Variants in DNAH14 observed in about 807,000 individuals in gnomAD.
The protein encoded by DNAH14 is axonemal beta dynein heavy chain 14.
A neutral mutation model predicts 520.9 loss-of-function variants in DNAH14; 478 were observed. The observed-to-expected ratio is 0.92, with a 90% CI of 0.85 to 0.99. The LOEUF is 0.99. DNAH14 is among the 50% of genes least tolerant of loss of function. The probability of loss-of-function intolerance (pLI) is 0.00; values close to 1 mark genes in which losing one functional copy is unlikely to be tolerated. For missense variants in DNAH14, 4,831 were observed against 5,234.5 expected, an observed-to-expected ratio of 0.92 and a Z score of 2.38; for synonymous variants, 1,581 against 1,757.2, an observed-to-expected ratio of 0.90 and a Z score of 2.51.
intron 41 of DNAH14, among the ~76,000 whole-genome samples, chr1:225,210,254 C>T (rs1026426388): frequency 6.6e-6 from 1 of 152,108 alleles, no homozygotes; most frequent in Non-Finnish European, 1.5e-5. Flanking sequence ...AAGCTAAGAT[C>T]CAATGGCTTG....
chr1:225,379,254 T>G (rs2095748714), intron 79 of DNAH14, among the ~76,000 whole-genome samples: 1 of 152,234 alleles, frequency 6.6e-6, no homozygotes, highest in South Asian at 2.1e-4. Flanking sequence ...GTCTTGCAGA[T>G]GCATGCAGAT....
At chr1:225,214,567 T>G (rs1574042695) in intron 41 of DNAH14, among the ~76,000 whole-genome samples, 1 of 152,326 alleles carries the variant, frequency 6.6e-6, no homozygotes, top group East Asian at 1.9e-4. Context: ...GGCTATTAAC[T>G]ATTGCCTCAA....
chr1:225,196,638 G>C (rs751373899), intron 38 of DNAH14, among the ~76,000 whole-genome samples: 1 of 152,134 alleles, frequency 6.6e-6, no homozygotes, highest in Admixed American at 6.6e-5. Context: ...CACCAGCAGT[G>C]TAGAAGTGTT....
intron 59 of DNAH14, among the ~76,000 whole-genome samples, chr1:225,308,027 G>A (rs944413393): frequency 8.5e-5 from 13 of 152,208 alleles, no homozygotes; most frequent in Admixed American, 2.0e-4. Context: ...CACCAGTGGC[G>A]GAGAGCTACC....
At chr1:225,015,666 C>T (rs2065160584) in intron 10 of DNAH14, among the ~76,000 whole-genome samples, 1 of 152,184 alleles carries the variant, frequency 6.6e-6, no homozygotes, top group African/African-American at 2.4e-5. Flanking sequence ...AATGGCAATG[C>T]AGATGTAATA....
Position 225,192,758 on chromosome 1 carries a change from T to C in DNAH14, c.5733T>C (p.Ser1911=). The change falls in exon 38 of 86, where the codon AGT becomes AGC. Residue 1911 remains serine (S), a synonymous_variant. Coordinates refer to ENST00000682510, the MANE Select transcript of DNAH14 (RefSeq NM_001367479.1). ...TAAATCCAAAGTGTGTCACTCTCAG[T>C]GAACTATATGGACAACTGGATCCTA... ...CVLNPKCVTL[S]ELYGQLDPNT... is the part of the protein sequence containing the mutation. 1 of 1,550,130 alleles carries C rather than the reference T, an allele frequency of 6.5e-7. No individual in the cohort carries two copies. The highest frequency in any genetic ancestry group is 8.7e-7 in the Non-Finnish European group (1 of 1,146,016).
Position 225,097,227 on chromosome 1 carries a change from C to T in DNAH14, c.3683C>T (p.Ser1228Leu). 1 of 1,549,836 alleles carries T rather than the reference C, an allele frequency of 6.5e-7. No homozygotes were observed. The highest frequency in any genetic ancestry group is 8.7e-7 in the Non-Finnish European group (1 of 1,146,106). The change falls in exon 22 of 86, where the codon TCA becomes TTA. Residue 1228 changes from serine (S) to leucine (L), a missense_variant. Transcript: ENST00000682510. ...TATCTTGAACCAGTCTTTCATTCTT[C>T]AGAAATACGAAGGTAAAATACCTAA... ...WLYLEPVFHS[S>L]EIRRQLPAET...
chr1:225,299,932 A>G (rs773128692), intron 55 of DNAH14, among the ~76,000 whole-genome samples: 5 of 152,202 alleles, frequency 3.3e-5, no homozygotes, highest in African/African-American at 1.2e-4. Context: ...CTGAAATACC[A>G]TGAACCTATC....
chr1:225,157,881 C>T (rs1161449514), intron 34 of DNAH14, among the ~76,000 whole-genome samples: 1 of 152,128 alleles, frequency 6.6e-6, no homozygotes, highest in Non-Finnish European at 1.5e-5. Flanking sequence ...AAGTCAATTC[C>T]AACCCGCTAT....
chr1:224,941,061 A>G (rs1208469136), intron 1 of DNAH14, among the ~76,000 whole-genome samples: 2 of 152,194 alleles, frequency 1.3e-5, no homozygotes, highest in Non-Finnish European at 2.9e-5. Context: ...GTCAAATGGT[A>G]TTTCTAGTTC....
intron 4 of DNAH14, 132 bp downstream of exon 4, chr1:224,960,434 T>A: frequency 1.0e-6 from 1 of 990,306 alleles, no homozygotes; most frequent in Non-Finnish European, 1.4e-6. Context: ...TTTGGTTGCT[T>A]AAGGATTATT....
intron 7 of DNAH14, chr1:224,969,810 A>G (rs1321464825): frequency 1.3e-5 from 2 of 157,000 alleles, no homozygotes; most frequent in African/African-American, 2.4e-5. Context: ...ACTTATCACA[A>G]TAAATACCCT....
intron 54 of DNAH14, among the ~76,000 whole-genome samples, chr1:225,287,255 A>C (rs537113435): frequency 1.3e-5 from 2 of 152,318 alleles, no homozygotes; most frequent in East Asian, 3.9e-4. Context: ...CCCAGGATGA[A>C]ATGCAGAATG....
intron 60 of DNAH14, among the ~76,000 whole-genome samples, chr1:225,309,855 T>C (rs1288563670): frequency 6.6e-6 from 1 of 152,012 alleles, no homozygotes; most frequent in Non-Finnish European, 1.5e-5. Context: ...ATGGCGCCAC[T>C]GCACTCCAGC....
rs748819658 is a variant in DNAH14, at chr1:225,377,242, T to C, written c.12522T>C (p.Cys4174=). 1 of 1,386,826 alleles carries C rather than the reference T, an allele frequency of 7.2e-7. No individual in the cohort carries two copies. The highest frequency in any genetic ancestry group is 1.8e-5 in the South Asian group (1 of 56,736). The allele number at this position is 1,386,826 out of a possible 1,614,324, so 85.9% of individuals were successfully genotyped here. Residue 4174 remains cysteine, a synonymous_variant, in exon 79 of 86, where the codon TGT becomes TGC. Coordinates refer to ENST00000682510, the MANE Select transcript of DNAH14 (RefSeq NM_001367479.1). ...ACAAAATGTTAAATTTTCAGATATG[T>C]CTGCCAGTTCCAGGATCTGCAAGCA... ...DDFSFSSDGI[C]LPVPGSASIK...
chr1:225,011,466 G>A (rs999870405), intron 10 of DNAH14, among the ~76,000 whole-genome samples: 3 of 151,646 alleles, frequency 2.0e-5, no homozygotes, highest in Non-Finnish European at 2.9e-5. Context: ...TTGGTCCAGA[G>A]CTGAGTTCAA....
chr1:225,206,005 A>T lies in DNAH14; in HGVS notation c.6012A>T (p.Pro2004=). The T allele has an allele frequency of 6.4e-7, 1 of 1,551,694 alleles. No individual in the cohort carries two copies. The highest frequency in any genetic ancestry group is 8.7e-7 in the Non-Finnish European group (1 of 1,146,870). Residue 2004 remains proline (P), a synonymous_variant, in exon 40 of 86, where the codon CCA becomes CCT. Transcript: ENST00000682510. The part of the protein sequence containing the change: ...FDWQWIILDG[P]VDTFWVENLN... ...GGCAGTGGATTATCCTAGATGGCCC[A>T]GTGGACACCTTTTGGGTAGAAAATC... is the stretch of plus-strand genomic sequence containing the variant.
Position 224,960,428 on chromosome 1 carries a change from G to A in DNAH14, c.367+126G>A, listed in dbSNP as rs1300519092. 9 of 1,058,960 alleles carry A rather than the reference G, an allele frequency of 8.5e-6. No homozygotes were observed. In the African/African-American group the frequency reaches 1.5e-4, roughly 17 times the overall value. 65.6% of individuals were successfully genotyped at this position (1,058,960 alleles called of 1,614,324 possible). A position where few individuals can be genotyped will look rare whatever the true frequency, so the allele number is the denominator to read the frequency against. ...AGTCTTACTGAATTTTATGTGTTTG[G>A]TTGCTTAAGGATTATTACAATGCTT... On this transcript the variant is annotated intron_variant, in intron 4 of 85. Transcript: ENST00000682510.
intron 69 of DNAH14, among the ~76,000 whole-genome samples, chr1:225,345,683 G>A (rs1160514674): frequency 6.6e-6 from 1 of 152,050 alleles, no homozygotes; most frequent in Non-Finnish European, 1.5e-5. Flanking sequence ...TGGAATGGTT[G>A]CTTATCATAT....
Sources: allele counts gnomAD v4.1 joint callset (sites outside exome capture counted in the v4.1 genomes callset), GRCh38; gene constraint gnomAD v4.1.1; transcripts MANE v1.5; gene names NCBI Gene and HGNC (gene_info 2026-07-23, HGNC 2026-07-21).